The following CENPF variants were observed in gnomAD, a reference collection of about 807,000 sequenced individuals.
The protein encoded by CENPF is centromere protein F.
Under a neutral mutation model 307.3 loss-of-function variants are expected in CENPF, and 214 were observed. That is an observed-to-expected ratio of 0.70 (90% CI 0.62 to 0.78). The LOEUF is 0.78. CENPF is among the 30% of genes least tolerant of loss of function. The pLI, the probability that CENPF is intolerant of heterozygous loss-of-function variation, is 0.00. For synonymous variants in CENPF, 1,259 were observed against 1,270.6 expected, an observed-to-expected ratio of 0.99 and a Z score of 0.19; for missense variants, 3,401 against 3,483.9, an observed-to-expected ratio of 0.98 and a Z score of 0.60.
Position 214,620,722 on chromosome 1 carries a change from C to T in CENPF, c.641C>T (p.Ser214Leu), listed in dbSNP as rs1458854763. The T allele has an allele frequency of 1.9e-6, 3 of 1,614,100 alleles. No homozygotes were observed. Among genetic ancestry groups the T allele is most frequent in the East Asian group, 2.2e-5 (1 of 44,892 alleles). ...GACATTGCCCGGCATCAGGCTTCATCATCTGTGTTCTCATGGCAGCAAGAG... is the reference window on the plus strand; with the variant it reads ...GACATTGCCCGGCATCAGGCTTCATTATCTGTGTTCTCATGGCAGCAAGAG... ...HRDIARHQAS[S>L]SVFSWQQEKT... The change falls in exon 6 of 20, where the codon TCA (serine) becomes TTA (leucine). Residue 214 changes from serine (S) to leucine (L), a missense_variant. By Grantham distance (145) the Ser-to-Leu change is moderately radical. Transcript: ENST00000366955.
chr1:214,622,961 CCA>C (rs1463800767), intron 7 of CENPF, among the ~76,000 whole-genome samples: 1 of 152,178 alleles, frequency 6.6e-6, no homozygotes, highest in Admixed American at 6.5e-5. Flanking sequence ...ACCCGAATCC[CCA>C]CACTTTGGGA....
chr1:214,652,762 AT>A (rs546247981), intron 15 of CENPF, 65 bp from the exon 16 acceptor site: 2,306 of 1,350,456 alleles, frequency 1.7e-3, no homozygotes, highest in East Asian at 2.3e-3. Context: ...TTTTCTGACT[AT>A]TTTTTTTTAG....
At chr1:214,650,882 T>A (rs561927743) in intron 14 of CENPF, among the ~76,000 whole-genome samples, 1 of 152,238 alleles carries the variant, frequency 6.6e-6, no homozygotes, top group South Asian at 2.1e-4. Flanking sequence ...TGAGACCCTG[T>A]CTCAAGAAAA....
Position 214,622,272 on chromosome 1 carries a change from G to A in CENPF, c.1059G>A (p.Ala353=), listed in dbSNP as rs372173425. Residue 353 remains alanine (A), a synonymous_variant, in exon 7 of 20, where the codon GCG becomes GCA. Coordinates refer to ENST00000366955, the MANE Select transcript of CENPF (RefSeq NM_016343.4). ...GAACAACAGCACAATACGACCAGGCGTCAACCAAGGTACTTGACTTTTCGT... is the reference window on the plus strand; with the variant it reads ...GAACAACAGCACAATACGACCAGGCATCAACCAAGGTACTTGACTTTTCGT... ...LVRTTAQYDQ[A]STKYTALEQK... 4.4e-6 allele frequency: 7 copies of A among 1,606,176 alleles called. No individual in the cohort carries two copies. The highest frequency in any genetic ancestry group is 1.7e-5 in the Admixed American group (1 of 58,122).
chr1:214,652,611 T>G (rs1219386231), intron 15 of CENPF, among the ~76,000 whole-genome samples: 1 of 132,302 alleles, frequency 7.6e-6, no homozygotes, highest in South Asian at 2.3e-4. Flanking sequence ...GCCCAGCTAA[T>G]TTTTGTATTT....
chr1:214,608,814 G>A, intron 1 of CENPF: 2 of 1,598,516 alleles, frequency 1.3e-6, no homozygotes. Flanking sequence ...AGAGGCAGCA[G>A]AGCTCACTCA....
At position 214,622,153 on chromosome 1, in the gene CENPF, A is replaced by G; in HGVS notation, c.940A>G (p.Lys314Glu). Reference sequence around the variant, plus strand: ...AAAAGAAATGAAAGGCCAAGTGAATAAGTTTCAAGAACTCCAACTCCAACT... The same window carrying G: ...AAAAGAAATGAAAGGCCAAGTGAATGAGTTTCAAGAACTCCAACTCCAACT... ...HEKEMKGQVN[K>E]FQELQLQLEK... Residue 314 changes from lysine to glutamate, a missense_variant, in exon 7 of 20, where the codon AAG becomes GAG. Lys to Glu is a moderately conservative substitution (Grantham distance 56). Transcript: ENST00000366955. 1 of 1,614,102 alleles carries G rather than the reference A, an allele frequency of 6.2e-7. No homozygotes were observed. Among genetic ancestry groups the G allele is most frequent in the East Asian group, 2.2e-5 (1 of 44,870 alleles).
At position 214,652,909 on chromosome 1, in the gene CENPF, C is replaced by T. The variant is rs1293503138; in HGVS notation, c.8242C>T (p.Leu2748Phe). The T allele has an allele frequency of 7.5e-6, 12 of 1,605,184 alleles. No individual in the cohort carries two copies. Among genetic ancestry groups the T allele is most frequent in the Non-Finnish European group, 1.0e-5 (12 of 1,175,368 alleles). Residue 2748 changes from leucine to phenylalanine, a missense_variant, in exon 16 of 20, where the codon CTT (leucine) becomes TTT (phenylalanine). Leu to Phe is a conservative substitution (Grantham distance 22). Coordinates refer to ENST00000366955, the MANE Select transcript of CENPF (RefSeq NM_016343.4). ...CAGTTCACAGAAGCTGGAGATAGAC[C>T]TTTTAAAGTCTAGTAAAGAAGAGCT... ...CLSSQKLEID[L>F]LKSSKEELNN... is the part of the protein sequence containing the mutation.
In CENPF at chr1:214,652,276, CTG is replaced by C. The variant is rs1484851668; in HGVS notation, c.8160+391_8160+392del. ...GGTCTCGATCTCCTGATCTTGTGAT[CTG>C]CCCACCTTGGCCTCCCAAAGTGCTG... On this transcript the variant is annotated intron_variant, in intron 15 of 19. Transcript: ENST00000366955. Among the ~76,000 whole-genome samples the C allele has an allele frequency of 6.1e-4, 93 of 151,788 alleles. 1 individual carries two copies. Among genetic ancestry groups the C allele is most frequent in the Admixed American group, 6.6e-4 (10 of 15,250 alleles).
intron 1 of CENPF, chr1:214,608,709 C>G (rs1657109602): frequency 2.5e-6 from 4 of 1,594,656 alleles, no homozygotes; most frequent in Non-Finnish European, 3.4e-6. Context: ...CCCCACCAGG[C>G]CCCGGCTCGG....
chr1:214,651,784 G>T lies in CENPF; in HGVS notation c.8058G>T (p.Val2686=). 6.2e-7 allele frequency: 1 copy of T among 1,613,478 alleles called. No homozygotes were observed. The highest frequency in any genetic ancestry group is 8.5e-7 in the Non-Finnish European group (1 of 1,179,760). The change falls in exon 15 of 20, where the codon GTG becomes GTT. Residue 2686 remains valine (V), a synonymous_variant. Transcript: ENST00000366955. ...KSLDCMHKDQ[V]EKEGKVREEI... is the part of the protein sequence containing the mutation. ...TAGATTGCATGCACAAAGACCAGGTGGAAAAGGAAGGGAAAGTGAGAGAGG... is the reference window on the plus strand; with the variant it reads ...TAGATTGCATGCACAAAGACCAGGTTGAAAAGGAAGGGAAAGTGAGAGAGG...
intron 1 of CENPF, among the ~76,000 whole-genome samples, chr1:214,607,657 A>C (rs1460619698): frequency 2.6e-5 from 4 of 152,220 alleles, no homozygotes; most frequent in African/African-American, 9.6e-5. Flanking sequence ...GATGGCGAGC[A>C]GGAAAGGTCA....
chr1:214,648,549 G>C, intron 13 of CENPF, 126 bp from the exon 14 acceptor site: 1 of 1,038,712 alleles, frequency 9.6e-7, no homozygotes, highest in Non-Finnish European at 1.5e-6. Flanking sequence ...GTAAAGGCGG[G>C]ATTAGCCAGC....
chr1:214,629,514 T>A (rs553067469), intron 8 of CENPF, among the ~76,000 whole-genome samples: 146 of 152,230 alleles, frequency 9.6e-4, no homozygotes, highest in African/African-American at 3.5e-3. Flanking sequence ...AGTAGGCTTT[T>A]AAAATTTTTT....
Position 214,644,612 on chromosome 1 carries a change from C to T in CENPF, c.5042C>T (p.Thr1681Ile), listed in dbSNP as rs1337008054. Reference sequence around the variant, plus strand: ...ATATCAAAAGAACATACTTCAGAAACTACAGAAAGAACACCAAAGCATGAT... The same window carrying T: ...ATATCAAAAGAACATACTTCAGAAATTACAGAAAGAACACCAAAGCATGAT... ...CDISKEHTSE[T>I]TERTPKHDVH... Residue 1681 changes from threonine (T) to isoleucine (I), a missense_variant, in exon 13 of 20, where the codon ACT (threonine) becomes ATT (isoleucine). Thr to Ile is a moderately conservative substitution (Grantham distance 89). Coordinates refer to ENST00000366955, the MANE Select transcript of CENPF (RefSeq NM_016343.4). 6.2e-7 allele frequency: 1 copy of T among 1,613,392 alleles called. No individual in the cohort carries two copies. The highest frequency in any genetic ancestry group is 1.7e-5 in the Admixed American group (1 of 59,930).
chr1:214,652,067 G>GTTTTT, intron 15 of CENPF, among the ~76,000 whole-genome samples, 181 bp downstream of exon 15: 4 of 114,038 alleles, frequency 3.5e-5, no homozygotes, highest in African/African-American at 1.6e-4. Flanking sequence ...TTTATCAGTT[G>GTTTTT]ATTTTTTTTT....
rs750917257 is a variant in CENPF, at chr1:214,642,118, C to T, written c.3780C>T (p.Gly1260=). The change falls in exon 12 of 20, where the codon GGC becomes GGT. Residue 1260 remains glycine, a synonymous_variant. Transcript: ENST00000366955. ...LQDMQSQEIS[G]LKDCEIDAEE... is the part of the protein sequence containing the mutation. ...ACATGCAGTCACAAGAAATTAGTGG[C>T]CTTAAAGACTGTGAAATAGATGCGG... is the stretch of plus-strand genomic sequence containing the variant. 1.2e-6 allele frequency: 2 copies of T among 1,613,586 alleles called. No individual in the cohort carries two copies. The highest frequency in any genetic ancestry group is 1.3e-5 in the African/African-American group (1 of 74,992).
rs1558183844 is a variant in CENPF at position 214,642,409 on chromosome 1, T to C, written c.4071T>C (p.His1357=). Residue 1357 remains histidine (H), a synonymous_variant, in exon 12 of 20, where the codon CAT becomes CAC. Transcript: ENST00000366955. Reference sequence around the variant, plus strand: ...TAAATGATGACAGTGGTCTTCTCCATGGTGAGTTAGTGGAAGACATACCAG... The same window carrying C: ...TAAATGATGACAGTGGTCTTCTCCACGGTGAGTTAGTGGAAGACATACCAG... ...KILNDDSGLL[H]GELVEDIPGG... 6.2e-7 allele frequency: 1 copy of C among 1,602,730 alleles called. No homozygotes were observed. Among genetic ancestry groups the C allele is most frequent in the Non-Finnish European group, 8.5e-7 (1 of 1,174,926 alleles).
At chr1:214,653,115 C>A (rs891022113) in intron 16 of CENPF, 126 bp downstream of exon 16, 2 of 861,464 alleles carry the variant, frequency 2.3e-6, no homozygotes, top group African/African-American at 1.6e-5. Flanking sequence ...AAAATGATGT[C>A]ATTCATCAGT....
Sources: gnomAD v4.1 joint callset for allele counts (sites outside exome capture counted in the v4.1 genomes callset) on GRCh38, gnomAD v4.1.1 for gene constraint, MANE v1.5 for transcripts, NCBI Gene and HGNC (gene_info 2026-07-23, HGNC 2026-07-21) for gene names.